Variants in IQCM observed in about 807,000 individuals in gnomAD.
IQCM encodes the protein IQ domain-containing protein M.
In IQCM, 45 loss-of-function variants were observed where a neutral mutation model predicts 57.6. That is an observed-to-expected ratio of 0.78 (90% CI 0.62 to 1.00). The LOEUF (loss-of-function observed/expected upper bound fraction) is 1.00, where lower values mean the gene tolerates loss of function less well. Among genes scored for constraint, IQCM ranks in the 50% least tolerant of loss-of-function variants. The pLI is 0.00. For missense variants in IQCM, 468 were observed against 511.6 expected (o/e 0.91, Z 0.82); for synonymous variants, 148 against 158.9 (o/e 0.93, Z 0.51).
chr4:149,425,300 A>T (rs1163172805), intron 13 of IQCM, among the ~76,000 whole-genome samples: 1 of 152,008 alleles, frequency 6.6e-6, no homozygotes, highest in Non-Finnish European at 1.5e-5. Flanking sequence ...GAAATTGATT[A>T]TGAAGGACTA....
At chr4:149,552,268 A>C (rs1405590566) in intron 11 of IQCM, among the ~76,000 whole-genome samples, 2 of 152,190 alleles carry the variant, frequency 1.3e-5, no homozygotes, top group Admixed American at 6.5e-5. Context: ...TAACAGACAT[A>C]ATCCCTTTCT....
In IQCM at chr4:149,593,536, G is replaced by C. The variant is rs181818507; in HGVS notation, c.682-5539C>G. Among the ~76,000 whole-genome samples the C allele has an allele frequency of 2.9e-3, 435 of 152,194 alleles. 8 individuals carry two copies. Among genetic ancestry groups the C allele is most frequent in the African/African-American group, 9.8e-3 (405 of 41,520 alleles). ...GAGAGGGCATCCCTGTCTTGTGCCA[G>C]TTTTCAAAGGGAATGCTTCCAGTTT... On this transcript the variant is annotated intron_variant, in intron 8 of 13. Coordinates refer to ENST00000636793, the MANE Select transcript of IQCM (RefSeq NM_001363507.2).
rs141042011 is a variant in IQCM at position 149,794,488 on chromosome 4, T to C, written c.-49+20823A>G. Among the ~76,000 whole-genome samples, 1,095 of 152,226 alleles carry C rather than the reference T, an allele frequency of 7.2e-3. 15 individuals carry two copies. The highest frequency in any genetic ancestry group is 0.025 in the African/African-American group (1,054 of 41,552). On this transcript the variant is annotated intron_variant, in intron 2 of 13. Coordinates refer to ENST00000636793, the MANE Select transcript of IQCM (RefSeq NM_001363507.2). ...GTTAAAATATCCCATTCAGGGGAAA[T>C]AGATGAGTACAATGGTGAAGGAAAA...
chr4:149,660,815 C>T (rs1760125103), intron 7 of IQCM, among the ~76,000 whole-genome samples: 1 of 151,530 alleles, frequency 6.6e-6, no homozygotes, highest in Non-Finnish European at 1.5e-5. Context: ...GGGAACATCA[C>T]ACTCTAGGGA....
At chr4:149,746,893 CA>C (rs921452800) in intron 2 of IQCM, among the ~76,000 whole-genome samples, 1 of 151,426 alleles carries the variant, frequency 6.6e-6, no homozygotes, top group Admixed American at 6.6e-5. Flanking sequence ...AGAAGAAAAC[CA>C]AAAAAAAGGA....
chr4:149,762,819 T>C (rs766315289), intron 2 of IQCM, among the ~76,000 whole-genome samples: 1 of 152,114 alleles, frequency 6.6e-6, no homozygotes, highest in Non-Finnish European at 1.5e-5. Flanking sequence ...TAATACTTTA[T>C]TTGAATCACC....
intron 12 of IQCM, among the ~76,000 whole-genome samples, chr4:149,489,616 T>C (rs1197979955): frequency 1.3e-5 from 2 of 152,042 alleles, no homozygotes; most frequent in African/African-American, 4.8e-5. Flanking sequence ...ATTAGCATAA[T>C]GGCTGTGATA....
intron 13 of IQCM, among the ~76,000 whole-genome samples, chr4:149,375,268 A>T (rs1730632643): frequency 6.6e-6 from 1 of 152,156 alleles, no homozygotes; most frequent in Non-Finnish European, 1.5e-5. Flanking sequence ...GACCGAAACT[A>T]CATTCAGCTG....
At chr4:149,678,732 C>A (rs563081616) in intron 7 of IQCM, among the ~76,000 whole-genome samples, 1 of 151,088 alleles carries the variant, frequency 6.6e-6, no homozygotes, top group East Asian at 2.0e-4. Flanking sequence ...CTAGATTGAC[C>A]TGTTAAGAGA....
intron 2 of IQCM, among the ~76,000 whole-genome samples, chr4:149,756,826 C>T (rs1379864358): frequency 6.6e-6 from 1 of 151,838 alleles, no homozygotes; most frequent in African/African-American, 2.4e-5. Flanking sequence ...GACTGAGCAA[C>T]GTTTAAAGAA....
In IQCM at chr4:149,558,549, T is replaced by C. The variant is rs573891848; in HGVS notation, c.948+5143A>G. 5.9e-5 allele frequency among the ~76,000 whole-genome samples: 9 copies of C among 152,268 alleles called. No homozygotes were observed. The South Asian group carries it at 1.9e-3, about 32-fold the overall frequency. ...AGCAATAATCTAATAAACAAATATA[T>C]GTTAGGTGGTAGTAAGTGCCATGAA... is the stretch of plus-strand genomic sequence containing the variant. On this transcript the variant is annotated intron_variant, in intron 10 of 13. Transcript: ENST00000636793.
intron 7 of IQCM, among the ~76,000 whole-genome samples, chr4:149,659,777 T>A (rs968263986): frequency 6.6e-6 from 1 of 151,890 alleles, no homozygotes; most frequent in Non-Finnish European, 1.5e-5. Flanking sequence ...TGGCTAGCCA[T>A]ATGTAGAAAG....
At chr4:149,727,986 T>C (rs887077783) in intron 5 of IQCM, among the ~76,000 whole-genome samples, 2 of 152,188 alleles carry the variant, frequency 1.3e-5, no homozygotes, top group Non-Finnish European at 2.9e-5. Context: ...TAAGAGTATT[T>C]ACACCATGGA....
At chr4:149,488,074 T>G (rs531573645) in intron 12 of IQCM, among the ~76,000 whole-genome samples, 2 of 152,248 alleles carry the variant, frequency 1.3e-5, no homozygotes, top group South Asian at 4.1e-4. Context: ...GATATTTAGA[T>G]AGGTATAAAA....
intron 12 of IQCM, among the ~76,000 whole-genome samples, chr4:149,472,068 G>A (rs1739624189): frequency 6.6e-6 from 1 of 152,124 alleles, no homozygotes; most frequent in African/African-American, 2.4e-5. Flanking sequence ...CACAAGACAG[G>A]GATGCCCTCT....
At chr4:149,391,695 A>C (rs1174364525) in intron 13 of IQCM, among the ~76,000 whole-genome samples, 3 of 151,932 alleles carry the variant, frequency 2.0e-5, no homozygotes, top group Non-Finnish European at 4.4e-5. Flanking sequence ...CATTTGTCTC[A>C]AAGTATTTTC....
intron 2 of IQCM, among the ~76,000 whole-genome samples, chr4:149,752,281 G>T (rs1200229708): frequency 7.2e-5 from 11 of 152,162 alleles, no homozygotes; most frequent in Non-Finnish European, 5.9e-5. Flanking sequence ...CCAGGCACGG[G>T]TGGCTCACGC....
intron 2 of IQCM, among the ~76,000 whole-genome samples, chr4:149,756,818 C>G (rs139466463): frequency 6.6e-6 from 1 of 152,086 alleles, no homozygotes; most frequent in Admixed American, 6.5e-5. Context: ...GATAAATAGA[C>G]TGAGCAACGT....
At chr4:149,723,279 T>C (rs532714265) in intron 5 of IQCM, among the ~76,000 whole-genome samples, 1 of 152,160 alleles carries the variant, frequency 6.6e-6, no homozygotes, top group African/African-American at 2.4e-5. Flanking sequence ...GCGTCTTATT[T>C]CTTTCTCTTG....
Sources: gnomAD v4.1 joint callset for allele counts (sites outside exome capture counted in the v4.1 genomes callset) on GRCh38, gnomAD v4.1.1 for gene constraint, MANE v1.5 for transcripts, NCBI Gene and HGNC (gene_info 2026-07-23, HGNC 2026-07-21) for gene names.